The following AKT3 variants were observed in gnomAD, a reference collection of about 807,000 sequenced individuals.
AKT3 encodes AKT serine/threonine kinase 3.
In AKT3, 15 loss-of-function variants were observed where a neutral mutation model predicts 65.3. The ratio of observed to expected loss-of-function variants is 0.23; its 90% confidence interval spans 0.15 to 0.35. AKT3 has a LOEUF of 0.35. AKT3 is among the 10% of genes least tolerant of loss of function. The pLI, the probability that AKT3 is intolerant of heterozygous loss-of-function variation, is 1.00. For synonymous variants in AKT3, 206 were observed against 183.8 expected, an observed-to-expected ratio of 1.12 and a Z score of -0.98; for missense variants, 243 against 576.5, an observed-to-expected ratio of 0.42 and a Z score of 5.92.
intron 8 of AKT3, among the ~76,000 whole-genome samples, chr1:243,607,903 C>CT (rs930874717): frequency 3.9e-5 from 6 of 152,176 alleles, no homozygotes; most frequent in Non-Finnish European, 7.3e-5. Context: ...GCTTTTCCCC[C>CT]TTTGCTCAGC....
intron 12 of AKT3, among the ~76,000 whole-genome samples, chr1:243,523,909 G>C (rs1034243310): frequency 4.6e-5 from 7 of 150,880 alleles, no homozygotes; most frequent in African/African-American, 1.7e-4. Context: ...CTACAGTCAT[G>C]TGTCACTTAA....
At chr1:243,700,648 T>C (rs181450533) in intron 2 of AKT3, among the ~76,000 whole-genome samples, 50 of 151,886 alleles carry the variant, frequency 3.3e-4, no homozygotes, top group Non-Finnish European at 5.9e-4. Context: ...GGATTACAGG[T>C]GCGCACCACC....
intron 2 of AKT3, among the ~76,000 whole-genome samples, chr1:243,765,035 T>C (rs751399455): frequency 1.3e-5 from 2 of 152,134 alleles, no homozygotes; most frequent in African/African-American, 4.8e-5. Flanking sequence ...GCATATTTAT[T>C]GATGTTAAAA....
At chr1:243,650,737 C>G (rs74887645) in intron 4 of AKT3, among the ~76,000 whole-genome samples, 76,420 of 151,916 alleles carry the variant, frequency 0.5, 23,183 homozygotes, top group Non-Finnish European at 0.67. Flanking sequence ...ATTTCTGAGG[C>G]CTCTGTTCTG....
intron 1 of AKT3, among the ~76,000 whole-genome samples, chr1:243,849,714 C>T (rs1240530184): frequency 6.6e-6 from 1 of 151,504 alleles, no homozygotes; most frequent in African/African-American, 2.4e-5. Flanking sequence ...CGGGGCAGCC[C>T]AGACACAGAC....
chr1:243,520,677 C>A (rs1164833355), intron 12 of AKT3, among the ~76,000 whole-genome samples: 2 of 152,142 alleles, frequency 1.3e-5, no homozygotes, highest in African/African-American at 4.8e-5. Context: ...TGAAACAAAT[C>A]TTTATTTGAA....
intron 3 of AKT3, among the ~76,000 whole-genome samples, chr1:243,667,096 A>G (rs1240524394): frequency 6.6e-6 from 1 of 152,162 alleles, no homozygotes; most frequent in Non-Finnish European, 1.5e-5. Context: ...ATCTCCATTG[A>G]GTGTGTACTG....
At chr1:243,785,671 G>A (rs993733630) in intron 2 of AKT3, among the ~76,000 whole-genome samples, 2 of 152,116 alleles carry the variant, frequency 1.3e-5, no homozygotes, top group Non-Finnish European at 2.9e-5. Flanking sequence ...TAGATGTGTC[G>A]TAGGATGCGT....
At chr1:243,736,702 TAACAAAATGAG>T in intron 2 of AKT3, among the ~76,000 whole-genome samples, 1 of 152,126 alleles carries the variant, frequency 6.6e-6, no homozygotes, top group East Asian at 1.9e-4. Context: ...AATGGAAGCC[TAACAAAATGAG>T]AAAGTCAAGG....
intron 5 of AKT3, among the ~76,000 whole-genome samples, chr1:243,638,156 C>G (rs796789758): frequency 1.9e-4 from 29 of 152,120 alleles, no homozygotes; most frequent in African/African-American, 7.0e-4. Context: ...TTGGAAGGAG[C>G]TATCTGAGAA....
rs1572245258 is a variant in AKT3 at position 243,732,001 on chromosome 1, A to T, written c.47-36285T>A. Among the ~76,000 whole-genome samples, 4 of 152,262 alleles carry T rather than the reference A, an allele frequency of 2.6e-5. No individual in the cohort carries two copies. The South Asian group carries it at 8.3e-4, about 32-fold the overall frequency. On this transcript the variant is annotated intron_variant, in intron 2 of 13. Transcript: ENST00000673466. ...TATTCACATGCCATCTACATTATTT[A>T]CTTAATATTGTTCCTCATATAGATT...
At chr1:243,689,755 C>T in intron 3 of AKT3, among the ~76,000 whole-genome samples, 1 of 151,634 alleles carries the variant, frequency 6.6e-6, no homozygotes, top group South Asian at 2.1e-4. Flanking sequence ...CAGTTCAAGA[C>T]CAGCCTGAAC....
intron 3 of AKT3, among the ~76,000 whole-genome samples, chr1:243,676,218 G>C (rs75115268): frequency 6.6e-6 from 1 of 152,170 alleles, no homozygotes; most frequent in Non-Finnish European, 1.5e-5. Flanking sequence ...AATGAAATGA[G>C]AGGCCAATGC....
At chr1:243,760,041 T>G (rs1163741845) in intron 2 of AKT3, among the ~76,000 whole-genome samples, 1 of 152,172 alleles carries the variant, frequency 6.6e-6, no homozygotes, top group Admixed American at 6.5e-5. Context: ...ACTTTAGGCT[T>G]TAAACTTGGG....
chr1:243,718,995 A>AG (rs1686701505), intron 2 of AKT3, among the ~76,000 whole-genome samples: 1 of 152,268 alleles, frequency 6.6e-6, no homozygotes, highest in South Asian at 2.1e-4. Flanking sequence ...TAATTCCCTT[A>AG]GGGATAATTC....
At chr1:243,720,878 C>T (rs1012160405) in intron 2 of AKT3, among the ~76,000 whole-genome samples, 2 of 152,068 alleles carry the variant, frequency 1.3e-5, no homozygotes, top group Admixed American at 1.3e-4. Context: ...AAAGTACTTG[C>T]CACACCATAT....
At chr1:243,849,573 G>A (rs965057583) in intron 1 of AKT3, among the ~76,000 whole-genome samples, 2 of 151,528 alleles carry the variant, frequency 1.3e-5, no homozygotes, top group Admixed American at 6.6e-5. Context: ...CACTGACACC[G>A]GCGCTCCACG....
chr1:243,677,385 T>C (rs758656400), intron 3 of AKT3, among the ~76,000 whole-genome samples: 1 of 152,202 alleles, frequency 6.6e-6, no homozygotes, highest in African/African-American at 2.4e-5. Flanking sequence ...ATACTTCTCA[T>C]AGTTCTTTTC....
intron 6 of AKT3, among the ~76,000 whole-genome samples, chr1:243,632,388 A>G (rs868831692): frequency 6.6e-6 from 1 of 152,234 alleles, no homozygotes; most frequent in Non-Finnish European, 1.5e-5. Context: ...ATATTTAAAA[A>G]GTAATCTTTT....
Sources: allele counts gnomAD v4.1 joint callset (sites outside exome capture counted in the v4.1 genomes callset), GRCh38; gene constraint gnomAD v4.1.1; transcripts MANE v1.5; gene names NCBI Gene and HGNC (gene_info 2026-07-23, HGNC 2026-07-21).